The following VDAC1 variants were observed in gnomAD, a reference collection of about 807,000 sequenced individuals.
VDAC1 encodes the protein voltage dependent anion channel 1.
A neutral mutation model predicts 34.7 loss-of-function variants in VDAC1; 10 were observed. The ratio of observed to expected loss-of-function variants is 0.29; its 90% CI spans 0.18 to 0.49. The LOEUF is 0.49. VDAC1 is among the 20% of genes least tolerant of loss of function. VDAC1 has a pLI of 0.99. For missense variants in VDAC1, 230 were observed against 347.9 expected (o/e 0.66, Z 2.69); for synonymous variants, 130 against 136.0 (o/e 0.96, Z 0.30).
At chr5:134,054,832 C>T in the VDAC1 span, among the ~76,000 whole-genome samples, 7 of 152,162 alleles carry the variant, frequency 4.6e-5, no homozygotes, top group African/African-American at 1.7e-4. Flanking sequence ...CCTGACGAAC[C>T]ACTTACCACA....
At chr5:133,994,385 G>A (rs1450601134) in intron 1 of VDAC1, among the ~76,000 whole-genome samples, 3 of 152,202 alleles carry the variant, frequency 2.0e-5, no homozygotes, top group African/African-American at 4.8e-5. Flanking sequence ...GAAGAGCAGC[G>A]AGCTGTTTAC....
chr5:134,060,880 C>CTTCTTTTTT, the VDAC1 span, among the ~76,000 whole-genome samples: 9 of 98,682 alleles, frequency 9.1e-5, no homozygotes, highest in Middle Eastern at 0.015. Context: ...TCTTCTTCTT[C>CTTCTTTTTT]TTTTTTTTTT....
chr5:134,078,962 AC>A, the VDAC1 span, among the ~76,000 whole-genome samples: 2 of 128,732 alleles, frequency 1.6e-5, no homozygotes, highest in Non-Finnish European at 3.3e-5. Flanking sequence ...ATTTTTTTTG[AC>A]CCCCCTCCTT....
the VDAC1 span, among the ~76,000 whole-genome samples, chr5:134,035,833 C>T: frequency 6.6e-6 from 1 of 151,918 alleles, no homozygotes; most frequent in African/African-American, 2.4e-5. Flanking sequence ...GGTGAAACCC[C>T]GTCTCTACTA....
the VDAC1 span, among the ~76,000 whole-genome samples, chr5:134,054,744 A>G: frequency 2.0e-5 from 3 of 152,126 alleles, no homozygotes; most frequent in Non-Finnish European, 2.9e-5. Flanking sequence ...TACAGGTGTG[A>G]GCCACCTCGC....
chr5:134,067,171 GT>G, the VDAC1 span, among the ~76,000 whole-genome samples: 1 of 151,126 alleles, frequency 6.6e-6, no homozygotes, highest in African/African-American at 2.4e-5. Context: ...TGCCTTCTGG[GT>G]TCAAGCGATT....
the VDAC1 span, among the ~76,000 whole-genome samples, chr5:134,101,766 G>A: frequency 2.0e-5 from 3 of 152,176 alleles, no homozygotes; most frequent in African/African-American, 7.2e-5. Context: ...ATCCCTCACT[G>A]GGGTCCTCGT....
At chr5:133,990,662 A>T (rs1476323803) in intron 5 of VDAC1, among the ~76,000 whole-genome samples, 193 bp downstream of exon 5, 1 of 152,188 alleles carries the variant, frequency 6.6e-6, no homozygotes, top group African/African-American at 2.4e-5. Flanking sequence ...AGTGCTCATT[A>T]TAGCATAGTC....
upstream of VDAC1, among the ~76,000 whole-genome samples, chr5:134,006,601 G>T (rs1753755834): frequency 6.6e-6 from 1 of 151,898 alleles, no homozygotes; most frequent in African/African-American, 2.4e-5. Context: ...AAACTAGACG[G>T]GCGTGGTGGC....
chr5:134,092,197 T>A, the VDAC1 span, among the ~76,000 whole-genome samples: 1 of 152,182 alleles, frequency 6.6e-6, no homozygotes, highest in African/African-American at 2.4e-5. Flanking sequence ...AACTTCTGTA[T>A]TCTAAGGCCT....
chr5:133,983,715 G>A (rs963171478), intron 5 of VDAC1, among the ~76,000 whole-genome samples: 5 of 152,144 alleles, frequency 3.3e-5, no homozygotes, highest in Admixed American at 6.6e-5. Context: ...ATACAGTTTC[G>A]ATGCTGTATC....
chr5:134,092,813 GAC>G, the VDAC1 span, among the ~76,000 whole-genome samples: 3 of 152,166 alleles, frequency 2.0e-5, no homozygotes, highest in Non-Finnish European at 4.4e-5. Context: ...TTATAGGATT[GAC>G]ACACAGTTCA....
the VDAC1 span, among the ~76,000 whole-genome samples, chr5:134,018,995 T>G: frequency 6.6e-6 from 1 of 152,174 alleles, no homozygotes; most frequent in African/African-American, 2.4e-5. Context: ...GCTCTGTGTT[T>G]GGAACCCTCC....
the VDAC1 span, among the ~76,000 whole-genome samples, chr5:134,084,290 A>G: frequency 6.6e-6 from 1 of 152,164 alleles, no homozygotes; most frequent in African/African-American, 2.4e-5. Context: ...TATTGATTCC[A>G]GGGCCTCCTC....
the VDAC1 span, among the ~76,000 whole-genome samples, chr5:134,030,594 T>C: frequency 5.0e-5 from 2 of 39,850 alleles, no homozygotes; most frequent in Non-Finnish European, 6.4e-5. Context: ...CATTCTTTCT[T>C]TCTTTCTTTC....
At chr5:133,983,465 G>A (rs560163978) in intron 5 of VDAC1, among the ~76,000 whole-genome samples, 1 of 152,126 alleles carries the variant, frequency 6.6e-6, no homozygotes, top group African/African-American at 2.4e-5. Context: ...CCACAGGTTG[G>A]TAACTATCAA....
At chr5:134,070,460 TCTAAACAACATTTATTTTTAAATA>T in the VDAC1 span, among the ~76,000 whole-genome samples, 5,774 of 152,226 alleles carry the variant, frequency 0.038, 373 homozygotes, top group African/African-American at 0.13. Flanking sequence ...TAAGGTTTTA[TCTAAACAACATTTATTTTTAAATA>T]CATGATTATG....
chr5:134,092,811 T>G, the VDAC1 span, among the ~76,000 whole-genome samples: 1 of 152,164 alleles, frequency 6.6e-6, no homozygotes, highest in Non-Finnish European at 1.5e-5. Flanking sequence ...ACTTATAGGA[T>G]TGACACACAG....
At chr5:133,995,891 G>C (rs1753282293) in intron 1 of VDAC1, among the ~76,000 whole-genome samples, 2 of 152,206 alleles carry the variant, frequency 1.3e-5, no homozygotes, top group South Asian at 4.1e-4. Context: ...CCCTGCCAGG[G>C]TGCTGACTTG....
Sources: allele counts gnomAD v4.1 joint callset (sites outside exome capture counted in the v4.1 genomes callset), GRCh38; gene constraint gnomAD v4.1.1; transcripts MANE v1.5; gene names NCBI Gene and HGNC (gene_info 2026-07-23, HGNC 2026-07-21).